Variants in NEDD4L observed in about 807,000 individuals in gnomAD.
NEDD4L encodes the protein E3 ubiquitin-protein ligase NEDD4-like.
A neutral mutation model predicts 148.9 loss-of-function variants in NEDD4L; 54 were observed. That is an observed-to-expected ratio of 0.36 (90% CI 0.29 to 0.45). The LOEUF (loss-of-function observed/expected upper bound fraction) is 0.45. Among genes scored for constraint, NEDD4L ranks in the 20% least tolerant of loss-of-function variants. The pLI, the probability that NEDD4L is intolerant of heterozygous loss-of-function variation, is 1.00. For missense variants in NEDD4L, 856 were observed against 1,233.8 expected, an observed-to-expected ratio of 0.69 and a Z score of 4.59; for synonymous variants, 433 against 440.7, an observed-to-expected ratio of 0.98 and a Z score of 0.22.
intron 26 of NEDD4L, among the ~76,000 whole-genome samples, chr18:58,386,514 TG>T (rs1194093588): frequency 2.9e-4 from 44 of 152,250 alleles, no homozygotes; most frequent in Non-Finnish European, 4.4e-4. Context: ...CAGAGCAAAG[TG>T]GGCACTGCCC....
At chr18:58,311,333 C>T (rs777263264) in intron 5 of NEDD4L, among the ~76,000 whole-genome samples, 1 of 152,166 alleles carries the variant, frequency 6.6e-6, no homozygotes, top group African/African-American at 2.4e-5. Flanking sequence ...AAAATATTAC[C>T]TTGATACATA....
At chr18:58,064,721 G>C (rs2082513358) in intron 1 of NEDD4L, among the ~76,000 whole-genome samples, 1 of 152,154 alleles carries the variant, frequency 6.6e-6, no homozygotes, top group Non-Finnish European at 1.5e-5. Flanking sequence ...ACATAAAGTG[G>C]TCATGTAGAT....
intron 13 of NEDD4L, chr18:58,336,103 T>C (rs1045186673): frequency 1.3e-5 from 2 of 152,474 alleles, no homozygotes; most frequent in South Asian, 2.1e-4. Flanking sequence ...AATTAGGATA[T>C]ATAAGTGATC....
chr18:58,156,106 C>T (rs867880944), intron 1 of NEDD4L, among the ~76,000 whole-genome samples: 8 of 152,310 alleles, frequency 5.3e-5, no homozygotes, highest in Middle Eastern at 3.4e-3. Context: ...ACTCCTTGAA[C>T]CAGAACCTCT....
chr18:58,165,195 A>C (rs1000459179), intron 1 of NEDD4L, among the ~76,000 whole-genome samples: 6 of 152,246 alleles, frequency 3.9e-5, no homozygotes, highest in African/African-American at 1.4e-4. Context: ...TGAATGAAGA[A>C]ATGATGAATA....
intron 5 of NEDD4L, among the ~76,000 whole-genome samples, chr18:58,314,336 T>C (rs1460025689): frequency 6.6e-6 from 1 of 150,844 alleles, no homozygotes; most frequent in African/African-American, 2.4e-5. Flanking sequence ...AGAATCGCTT[T>C]AACCCAGGAG....
At chr18:58,094,506 T>C (rs1054863587) in intron 1 of NEDD4L, among the ~76,000 whole-genome samples, 1 of 152,272 alleles carries the variant, frequency 6.6e-6, no homozygotes, top group African/African-American at 2.4e-5. Context: ...CCCTTACCTT[T>C]TCGCCGCCCT....
chr18:58,325,060 C>A lies in NEDD4L; in HGVS notation c.578C>A (p.Pro193His), dbSNP rs756966376. ...ASQHQEELPP[P>H]PLPPGWEEKV... ...CAGCACCAAGAGGAACTTCCTCCTC[C>A]TCCTCTGCCTCCCGGGTGGGAAGAA... The change falls in exon 9 of 31, where the codon CCT (proline) becomes CAT (histidine). Residue 193 changes from proline (P) to histidine (H), a missense_variant. Around this residue, in one of 4 missense-constraint regions of NEDD4L, gnomAD observed 193 missense variants for 244.2 expected, o/e 0.79. Transcript: ENST00000400345. The A allele has an allele frequency of 6.2e-7, 1 of 1,614,034 alleles. No individual in the cohort carries two copies. The highest frequency in any genetic ancestry group is 1.1e-5 in the South Asian group (1 of 91,084).
intron 20 of NEDD4L, among the ~76,000 whole-genome samples, chr18:58,365,646 G>A (rs1341361729): frequency 2.0e-5 from 3 of 152,200 alleles, no homozygotes; most frequent in Admixed American, 6.5e-5. Flanking sequence ...GACTACCTGG[G>A]CTAAAGTCTC....
chr18:58,298,995 C>A lies in NEDD4L; in HGVS notation c.298-16987C>A, dbSNP rs898250085. ...AAATATTATCTTTAGTCACATCCCT[C>A]GAATGTTTGCAGTGACTTTCACTCC... On this transcript the variant is annotated intron_variant, in intron 5 of 30. Transcript: ENST00000400345. Among the ~76,000 whole-genome samples the A allele has an allele frequency of 2.6e-5, 4 of 152,194 alleles. No homozygotes were observed. The East Asian group carries it at 7.7e-4, about 29-fold the overall frequency.
chr18:58,373,019 G>A (rs1256991444), intron 23 of NEDD4L, 155 bp from the exon 24 acceptor site: 6 of 480,526 alleles, frequency 1.2e-5, no homozygotes, highest in Non-Finnish European at 2.2e-5. Context: ...GTTTAAAGAG[G>A]AAGGTTTGGT....
At chr18:58,378,791 C>T (rs565245250) in intron 24 of NEDD4L, among the ~76,000 whole-genome samples, 2 of 152,320 alleles carry the variant, frequency 1.3e-5, no homozygotes, top group South Asian at 4.1e-4. Flanking sequence ...CCAAGTCCAG[C>T]ATATTCCATA....
chr18:58,180,035 T>C (rs2038661400), intron 2 of NEDD4L, among the ~76,000 whole-genome samples: 1 of 152,242 alleles, frequency 6.6e-6, no homozygotes, highest in East Asian at 1.9e-4. Context: ...ATCTGCCCTA[T>C]TCTCTCTATT....
intron 1 of NEDD4L, among the ~76,000 whole-genome samples, chr18:58,131,086 A>T (rs1400759637): frequency 2.1e-4 from 15 of 69,806 alleles, no homozygotes; most frequent in South Asian, 9.8e-4. Context: ...TGGGCTCTGG[A>T]TTTGGTTGGT....
chr18:58,074,742 ATTC>A (rs796498119), intron 1 of NEDD4L, among the ~76,000 whole-genome samples: 6 of 152,310 alleles, frequency 3.9e-5, no homozygotes, highest in African/African-American at 1.4e-4. Context: ...AATAAAACAG[ATTC>A]TTGTCTCTGG....
chr18:58,296,140 G>A (rs1433380496), intron 5 of NEDD4L, among the ~76,000 whole-genome samples: 1 of 152,152 alleles, frequency 6.6e-6, no homozygotes, highest in Admixed American at 6.5e-5. Flanking sequence ...ATTTGAGTTT[G>A]ACCCACAGGT....
At chr18:58,372,895 A>G (rs1486302877) in intron 23 of NEDD4L, among the ~76,000 whole-genome samples, 1 of 152,050 alleles carries the variant, frequency 6.6e-6, no homozygotes, top group Non-Finnish European at 1.5e-5. Flanking sequence ...TAAATTTTGT[A>G]GACCAGTATG....
chr18:58,199,372 T>C (rs1211896623), intron 2 of NEDD4L, among the ~76,000 whole-genome samples: 2 of 152,118 alleles, frequency 1.3e-5, no homozygotes, highest in African/African-American at 2.4e-5. Flanking sequence ...GAGTGGGGTG[T>C]GAAGCTGGCA....
intron 22 of NEDD4L, among the ~76,000 whole-genome samples, chr18:58,368,670 ATAAT>A (rs2046421705): frequency 6.6e-6 from 1 of 152,250 alleles, no homozygotes. Flanking sequence ...ATTCTAATAA[ATAAT>A]TTGTATACCC....
Sources: gnomAD v4.1 joint callset for allele counts (sites outside exome capture counted in the v4.1 genomes callset) on GRCh38, gnomAD v4.1.1 for gene constraint, gnomAD v4.1.1 regional missense constraint, MANE v1.5 for transcripts, NCBI Gene and HGNC (gene_info 2026-07-23, HGNC 2026-07-21) for gene names.